PPP2R3A: variants seen among roughly 807,000 people sequenced by gnomAD.
PPP2R3A encodes the protein protein phosphatase 2 regulatory subunit B''alpha.
PPP2R3A carries 80 observed loss-of-function variants against 106.9 expected under a neutral mutation model. The observed-to-expected ratio is 0.75, with a 90% CI of 0.62 to 0.90. PPP2R3A has a LOEUF of 0.90. Ranked by LOEUF, PPP2R3A falls within the 40% of genes least tolerant of loss-of-function variation. PPP2R3A has a pLI of 0.00. For missense variants in PPP2R3A, 1,386 were observed against 1,350.4 expected, an observed-to-expected ratio of 1.03 and a Z score of -0.41; for synonymous variants, 483 against 468.3, an observed-to-expected ratio of 1.03 and a Z score of -0.41.
chr3:135,968,862 CTTTCCA>C (rs1419146088), intron 1 of PPP2R3A, among the ~76,000 whole-genome samples: 1 of 152,172 alleles, frequency 6.6e-6, no homozygotes, highest in African/African-American at 2.4e-5. Flanking sequence ...TCTTGGGAAT[CTTTCCA>C]CTTCAGTATA....
In PPP2R3A at chr3:136,002,741, CT is replaced by C; in HGVS notation, c.1246del (p.Tyr416IlefsTer12). ...NVSSDDLMETLYIEEESDGKK... is the reference protein window; with the variant it reads ...NVSSDDLMETXYIEEESDGKK... ...TTCTTCTGACGACTTAATGGAAACT[CT>C]TTATATTGAAGAAGAGTCAGATGGA... is the stretch of plus-strand genomic sequence containing the variant. On this transcript the variant is annotated frameshift_variant, in exon 2 of 14. Transcript: ENST00000264977. LOFTEE classifies it high-confidence loss of function. 6.2e-7 allele frequency: 1 copy of C among 1,612,758 alleles called. No individual in the cohort carries two copies. The highest frequency in any genetic ancestry group is 8.5e-7 in the Non-Finnish European group (1 of 1,179,574).
At chr3:136,089,735 C>A (rs543791263) in intron 9 of PPP2R3A, among the ~76,000 whole-genome samples, 1 of 151,932 alleles carries the variant, frequency 6.6e-6, no homozygotes, top group African/African-American at 2.4e-5. Context: ...CTATCCATGA[C>A]CATGGAATGT....
intron 5 of PPP2R3A, chr3:136,055,330 T>C: frequency 5.3e-6 from 5 of 934,872 alleles, no homozygotes; most frequent in Non-Finnish European, 8.9e-6. Flanking sequence ...CATTGCTCAA[T>C]TTTTTGATCA....
chr3:136,104,174 C>T (rs187186631), intron 12 of PPP2R3A, among the ~76,000 whole-genome samples: 2 of 152,238 alleles, frequency 1.3e-5, no homozygotes, highest in Admixed American at 6.5e-5. Context: ...AAGAATTTAT[C>T]GCCTTCCAAA....
intron 13 of PPP2R3A, among the ~76,000 whole-genome samples, chr3:136,143,969 A>C (rs1250143696): frequency 6.6e-6 from 1 of 152,246 alleles, no homozygotes; most frequent in Non-Finnish European, 1.5e-5. Context: ...GGGCTAAGCC[A>C]GTGATGTCAA....
chr3:136,018,316 A>G (rs1934348769), intron 2 of PPP2R3A, among the ~76,000 whole-genome samples: 1 of 152,232 alleles, frequency 6.6e-6, no homozygotes, highest in Non-Finnish European at 1.5e-5. Flanking sequence ...TGCATATATA[A>G]TACTGTTTTT....
At chr3:136,108,212 G>GACACACACACAC (rs375655120) in intron 13 of PPP2R3A, among the ~76,000 whole-genome samples, 4 of 151,376 alleles carry the variant, frequency 2.6e-5, no homozygotes, top group African/African-American at 9.7e-5. Context: ...GCTAGACCCT[G>GACACACACACAC]ACACACACAC....
intron 1 of PPP2R3A, among the ~76,000 whole-genome samples, chr3:135,977,346 T>C (rs1937444564): frequency 1.3e-5 from 2 of 152,238 alleles, no homozygotes; most frequent in South Asian, 4.1e-4. Flanking sequence ...ATAATAGTTC[T>C]GTGTCAATAA....
intron 13 of PPP2R3A, among the ~76,000 whole-genome samples, chr3:136,140,663 G>A (rs1372762636): frequency 5.3e-5 from 8 of 150,950 alleles, no homozygotes; most frequent in African/African-American, 1.5e-4. Context: ...CAGGAGAATC[G>A]CTTGAACCCC....
In PPP2R3A at chr3:136,088,345, C is replaced by T. The variant is rs186424822; in HGVS notation, c.2837+414C>T. ...GCTTCCACTTACAAGTGAGAACATA[C>T]GGTATTTGGTTTTCTGTTCCTGTGT... On this transcript the variant is annotated intron_variant, in intron 9 of 13. Coordinates refer to ENST00000264977, the MANE Select transcript of PPP2R3A (RefSeq NM_002718.5). Among the ~76,000 whole-genome samples the T allele has an allele frequency of 1.5e-3, 236 of 152,272 alleles. 3 individuals carry two copies. The highest frequency in any genetic ancestry group is 4.8e-3 in the African/African-American group (198 of 41,546).
intron 13 of PPP2R3A, among the ~76,000 whole-genome samples, chr3:136,142,895 A>G (rs1382417676): frequency 6.6e-6 from 1 of 152,222 alleles, no homozygotes; most frequent in African/African-American, 2.4e-5. Flanking sequence ...CATCCTGACA[A>G]GAAATCAGCA....
intron 13 of PPP2R3A, among the ~76,000 whole-genome samples, chr3:136,109,390 T>A (rs1937562427): frequency 6.6e-6 from 1 of 152,002 alleles, no homozygotes; most frequent in Non-Finnish European, 1.5e-5. Context: ...AGGAATAAAG[T>A]CACTTATCAA....
chr3:136,078,692 A>G (rs1283456337), intron 7 of PPP2R3A, among the ~76,000 whole-genome samples: 1 of 152,230 alleles, frequency 6.6e-6, no homozygotes, highest in Non-Finnish European at 1.5e-5. Context: ...AGTGAAGTGT[A>G]CAGACACTAA....
chr3:136,077,155 G>A (rs1936625037), intron 6 of PPP2R3A, among the ~76,000 whole-genome samples: 2 of 152,114 alleles, frequency 1.3e-5, no homozygotes, highest in African/African-American at 2.4e-5. Flanking sequence ...CCCATGGAGC[G>A]TGGCACTTGA....
At chr3:136,078,602 G>A in intron 7 of PPP2R3A, 149 bp downstream of exon 7, 2 of 621,022 alleles carry the variant, frequency 3.2e-6, no homozygotes, top group Admixed American at 3.1e-5. Flanking sequence ...GTGGGATGCT[G>A]GAATGTTTTG....
chr3:136,040,774 G>A (rs1043103130), intron 3 of PPP2R3A, 85 bp from the exon 4 acceptor site: 2 of 1,149,644 alleles, frequency 1.7e-6, no homozygotes, highest in Non-Finnish European at 2.4e-6. Context: ...TGGCATGAAG[G>A]GTAAAAGCCA....
At position 136,078,523 on chromosome 3, in the gene PPP2R3A, T is replaced by G. The variant is rs1031941643; in HGVS notation, c.2631+70T>G. The G allele has an allele frequency of 8.8e-6, 9 of 1,018,558 alleles. No homozygotes were observed. In the African/African-American group the frequency reaches 1.5e-4, roughly 17 times the overall value. The allele number at this position is 1,018,558 out of a possible 1,614,324, so 63.1% of individuals were successfully genotyped here. ...ATTTTCTTACTTTATTTAACAAATA[T>G]TTGAGCGCTTACTCTATTCAAAGCA... is the stretch of plus-strand genomic sequence containing the variant. On this transcript the variant is annotated intron_variant, in intron 7 of 13. Coordinates refer to ENST00000264977, the MANE Select transcript of PPP2R3A (RefSeq NM_002718.5).
intron 1 of PPP2R3A, among the ~76,000 whole-genome samples, chr3:135,968,644 C>T (rs1937159255): frequency 7.2e-6 from 1 of 138,640 alleles, no homozygotes; most frequent in African/African-American, 2.7e-5. Context: ...ACGCCTGGGC[C>T]CTCCTCCAAG....
At chr3:136,011,240 TTATCACCCCCTGA>T (rs1302661224) in intron 2 of PPP2R3A, among the ~76,000 whole-genome samples, 1 of 151,982 alleles carries the variant, frequency 6.6e-6, no homozygotes, top group Non-Finnish European at 1.5e-5. Flanking sequence ...CCCCTAACAC[TTATCACCCCCTGA>T]TATATTATTT....
Sources: gnomAD v4.1 joint callset for allele counts (sites outside exome capture counted in the v4.1 genomes callset) on GRCh38, gnomAD v4.1.1 for gene constraint, MANE v1.5 for transcripts, NCBI Gene and HGNC (gene_info 2026-07-23, HGNC 2026-07-21) for gene names.